The following CELF2 variants were observed in gnomAD, a reference collection of about 807,000 sequenced individuals.
CELF2 encodes the protein CUGBP Elav-like family member 2.
In CELF2, 8 loss-of-function variants were observed where a neutral mutation model predicts 62.6. That is an observed-to-expected ratio of 0.13 (90% CI 0.07 to 0.23). The LOEUF (loss-of-function observed/expected upper bound fraction) is 0.23. Ranked by LOEUF, CELF2 falls within the 10% of genes least tolerant of loss-of-function variation. The probability of loss-of-function intolerance (pLI) is 1.00; values close to 1 mark genes in which losing one functional copy is unlikely to be tolerated. For synonymous variants in CELF2, 258 were observed against 250.0 expected, an observed-to-expected ratio of 1.03 and a Z score of -0.30; for missense variants, 333 against 671.0, an observed-to-expected ratio of 0.50 and a Z score of 5.56.
chr10:10,608,313 A>G, the CELF2 span, among the ~76,000 whole-genome samples: 1 of 152,176 alleles, frequency 6.6e-6, no homozygotes, highest in Non-Finnish European at 1.5e-5. Context: ...GTTTTTGAAC[A>G]CCAGAAGTGT....
chr10:10,831,833 G>A (rs139067115), intron 1 of CELF2, among the ~76,000 whole-genome samples: 262 of 152,246 alleles, frequency 1.7e-3, no homozygotes, highest in African/African-American at 6.0e-3. Context: ...TTAGCCAGGT[G>A]TGGTGGCATG....
At position 11,039,036 on chromosome 10, in the gene CELF2, A is replaced by G. The variant is rs2061402132; in HGVS notation, c.74+20873A>G. On this transcript the variant is annotated intron_variant, in intron 1 of 12. Coordinates refer to ENST00000633077, the MANE Select transcript of CELF2 (RefSeq NM_001326342.2). This position sits in a 1 kb window ranked among gnomAD's most constrained non-coding sequence, Gnocchi z 4.1. Reference sequence around the variant, plus strand: ...CACCACCCTAAGCCAAGTGCGCCTGAGCTTCCACAGTATCCTGGACAAGTG... The same window carrying G: ...CACCACCCTAAGCCAAGTGCGCCTGGGCTTCCACAGTATCCTGGACAAGTG... Among the ~76,000 whole-genome samples, 1 of 152,148 alleles carries G rather than the reference A, an allele frequency of 6.6e-6. No individual in the cohort carries two copies. Among genetic ancestry groups the G allele is most frequent in the African/African-American group, 2.4e-5 (1 of 41,424 alleles).
the CELF2 span, among the ~76,000 whole-genome samples, chr10:10,486,612 C>T: frequency 6.6e-6 from 1 of 152,138 alleles, no homozygotes; most frequent in African/African-American, 2.4e-5. Flanking sequence ...TGATTGAGCA[C>T]TCCAAACCTG....
At chr10:11,172,444 ACTGATACTGACT>A (rs1349149479) in intron 2 of CELF2, among the ~76,000 whole-genome samples, 2 of 152,250 alleles carry the variant, frequency 1.3e-5, no homozygotes, top group African/African-American at 4.8e-5. Context: ...AAATATTTTT[ACTGATACTGACT>A]CTAGCCATTG....
Position 11,244,020 on chromosome 10 carries a change from G to A in CELF2, c.355-5133G>A, listed in dbSNP as rs1303265868. On this transcript the variant is annotated intron_variant, in intron 3 of 12. Transcript: ENST00000633077. The surrounding 1 kb of genome is among the most constrained non-coding windows in gnomAD (Gnocchi z 4.2). The stretch of plus-strand genomic sequence containing the variant: ...TCACCTGGGCCCTCCCCCGTCTCCT[G>A]CTGTCTACTGGGACCTGCAGGCATG... Among the ~76,000 whole-genome samples, 2 of 152,188 alleles carry A rather than the reference G, an allele frequency of 1.3e-5. No homozygotes were observed. The highest frequency in any genetic ancestry group is 2.9e-5 in the Non-Finnish European group (2 of 68,028).
rs894322599 is a variant in CELF2 at position 11,268,116 on chromosome 10, C to T, written c.618+1439C>T. On this transcript the variant is annotated intron_variant, in intron 6 of 12. Coordinates refer to ENST00000633077, the MANE Select transcript of CELF2 (RefSeq NM_001326342.2). The surrounding 1 kb of genome is among the most constrained non-coding windows in gnomAD (Gnocchi z 4.7). ...TACACGTGTGATGGCGTTTTGCTTC[C>T]CTCTTTCTCTTACTGAGGCCGCTCC... Among the ~76,000 whole-genome samples the T allele has an allele frequency of 6.6e-6, 1 of 152,008 alleles. No homozygotes were observed. The highest frequency in any genetic ancestry group is 1.5e-5 in the Non-Finnish European group (1 of 68,010).
intron 1 of CELF2, among the ~76,000 whole-genome samples, chr10:10,914,827 A>G (rs976018777): frequency 2.6e-5 from 4 of 152,158 alleles, no homozygotes; most frequent in Admixed American, 1.3e-4. Context: ...CCTTGTTTTC[A>G]TTCAATTTTT....
the CELF2 span, among the ~76,000 whole-genome samples, chr10:10,510,414 T>C: frequency 6.6e-6 from 1 of 152,224 alleles, no homozygotes; most frequent in African/African-American, 2.4e-5. Context: ...AGCCAAAAAC[T>C]GAACAGCGGG....
Position 11,299,278 on chromosome 10 carries a change from C to T in CELF2, c.976+10726C>T, listed in dbSNP as rs982552956. Among the ~76,000 whole-genome samples, 13 of 152,366 alleles carry T rather than the reference C, an allele frequency of 8.5e-5. 1 individual carries two copies. The East Asian group carries it at 1.5e-3, about 18-fold the overall frequency. On this transcript the variant is annotated intron_variant, in intron 9 of 12. Transcript: ENST00000633077. ...GGTGGTGCGTGCTCTGCACCGGGCC[C>T]TTGCAGGGGCAGCAGTCCTACTGAG... is the stretch of plus-strand genomic sequence containing the variant.
At chr10:10,877,529 C>T (rs890393554) in intron 1 of CELF2, among the ~76,000 whole-genome samples, 1 of 152,216 alleles carries the variant, frequency 6.6e-6, no homozygotes, top group Non-Finnish European at 1.5e-5. Flanking sequence ...GCATTTATCT[C>T]AGTGAGCAGG....
the CELF2 span, among the ~76,000 whole-genome samples, chr10:10,769,845 A>T: frequency 6.6e-6 from 1 of 152,154 alleles, no homozygotes; most frequent in East Asian, 1.9e-4. Context: ...AGCAGAAAGG[A>T]TCACTTAGAA....
chr10:10,588,733 G>A, the CELF2 span, among the ~76,000 whole-genome samples: 1 of 152,200 alleles, frequency 6.6e-6, no homozygotes, highest in African/African-American at 2.4e-5. Flanking sequence ...GCTAAACAAT[G>A]TTACAGCAAA....
intron 1 of CELF2, among the ~76,000 whole-genome samples, chr10:10,824,458 GA>G (rs1296049596): frequency 1.3e-5 from 2 of 152,146 alleles, no homozygotes; most frequent in Non-Finnish European, 2.9e-5. Context: ...ACTCTGCAGA[GA>G]AAAGAATAAA....
intron 1 of CELF2, among the ~76,000 whole-genome samples, chr10:10,834,557 G>A (rs983100131): frequency 6.6e-6 from 1 of 152,188 alleles, no homozygotes; most frequent in Non-Finnish European, 1.5e-5. Context: ...ACAACTGCAT[G>A]AAGTAGTTAT....
intron 1 of CELF2, among the ~76,000 whole-genome samples, chr10:10,889,844 A>T (rs976858584): frequency 6.6e-6 from 1 of 152,226 alleles, no homozygotes; most frequent in Non-Finnish European, 1.5e-5. Context: ...TCTGATTCTA[A>T]GAAAAGTCAA....
At chr10:11,096,955 T>A (rs1018090832) in intron 1 of CELF2, among the ~76,000 whole-genome samples, 1 of 152,198 alleles carries the variant, frequency 6.6e-6, no homozygotes, top group Non-Finnish European at 1.5e-5. Flanking sequence ...TTCCTTCCTT[T>A]CTATATTACT....
Position 11,314,671 on chromosome 10 carries a change from C to A in CELF2, c.1096+413C>A. 3.2e-6 allele frequency: 1 copy of A among 313,736 alleles called. No homozygotes were observed. Among genetic ancestry groups the A allele is most frequent in the Non-Finnish European group, 6.2e-6 (1 of 160,386 alleles). 19.4% of individuals were successfully genotyped at this position (313,736 alleles called of 1,614,324 possible). On this transcript the variant is annotated intron_variant, in intron 10 of 12. Coordinates refer to ENST00000633077, the MANE Select transcript of CELF2 (RefSeq NM_001326342.2). This position sits in a 1 kb window ranked among gnomAD's most constrained non-coding sequence, Gnocchi z 5.3. ...TGCCAGGCAGCTGTGGGAAGTCAGG[C>A]AGATGCTGCTCCCTCTCTGGGCTTG... is the stretch of plus-strand genomic sequence containing the variant.
intron 2 of CELF2, among the ~76,000 whole-genome samples, chr10:10,969,341 A>G (rs2050503464): frequency 6.6e-6 from 1 of 152,332 alleles, no homozygotes; most frequent in South Asian, 2.1e-4. Context: ...GGTAGGCATT[A>G]AGGAGAAACA....
In CELF2 at chr10:10,931,852, G is replaced by A. The variant is rs998274243; in HGVS notation, c.89+11853G>A. On this transcript the variant is annotated intron_variant, in intron 2 of 13. Coordinates refer to the CELF2 transcript ENST00000636488. The surrounding 1 kb of genome is among the most constrained non-coding windows in gnomAD (Gnocchi z 6.1). ...GGACTCACAGTTCCACATGGCTAGG[G>A]AGGCCTCACAACCATGGCAGAAGGT... Among the ~76,000 whole-genome samples, 1 of 152,130 alleles carries A rather than the reference G, an allele frequency of 6.6e-6. No homozygotes were observed. Among genetic ancestry groups the A allele is most frequent in the Non-Finnish European group, 1.5e-5 (1 of 68,022 alleles).
Sources: gnomAD v4.1 joint callset for allele counts (sites outside exome capture counted in the v4.1 genomes callset) on GRCh38, gnomAD v4.1.1 for gene constraint, Gnocchi (gnomAD v3.1) non-coding constraint, MANE v1.5 for transcripts, NCBI Gene and HGNC (gene_info 2026-07-23, HGNC 2026-07-21) for gene names.